LIMK1: variants seen among roughly 807,000 people sequenced by gnomAD.
LIMK1 encodes LIM domain kinase 1, also known as LIM motif-containing protein kinase.
Under a neutral mutation model 77.6 loss-of-function variants are expected in LIMK1, and 21 were observed. The observed-to-expected ratio is 0.27, with a 90% CI of 0.19 to 0.39. The LOEUF is 0.39. Ranked by LOEUF, LIMK1 falls within the 10% of genes least tolerant of loss-of-function variation. The probability of loss-of-function intolerance (pLI) is 1.00; values close to 1 mark genes in which losing one functional copy is unlikely to be tolerated. For missense variants in LIMK1, 696 were observed against 901.6 expected (o/e 0.77, Z 2.92); for synonymous variants, 358 against 370.0 (o/e 0.97, Z 0.37).
At chr7:74,116,023 G>A in intron 13 of LIMK1, 65 bp downstream of exon 13, 1 of 1,542,158 alleles carries the variant, frequency 6.5e-7, no homozygotes. Context: ...CAGGAGAGCT[G>A]TAACCTCCCA....
chr7:74,096,283 C>T (rs1799335503), intron 2 of LIMK1, among the ~76,000 whole-genome samples: 1 of 151,572 alleles, frequency 6.6e-6, no homozygotes, highest in Non-Finnish European at 1.5e-5. Context: ...GGGCGGATCA[C>T]GAGGTCAAGA....
chr7:74,120,664 G>C, intron 14 of LIMK1, 26 bp downstream of exon 14: 2 of 1,613,418 alleles, frequency 1.2e-6, no homozygotes, highest in Non-Finnish European at 1.7e-6. Flanking sequence ...GGTAGCAGCG[G>C]TGTTGAGGCC....
chr7:74,090,073 G>A (rs1584106570), intron 2 of LIMK1, among the ~76,000 whole-genome samples: 2 of 152,110 alleles, frequency 1.3e-5, no homozygotes, highest in African/African-American at 4.8e-5. Context: ...TGTCCCTGGT[G>A]TAGTGAAACT....
At chr7:74,100,243 A>G (rs1234266506) in intron 5 of LIMK1, among the ~76,000 whole-genome samples, 2 of 152,152 alleles carry the variant, frequency 1.3e-5, no homozygotes, top group East Asian at 1.9e-4. Context: ...TCTCAAAAAA[A>G]TGGGGCAGGG....
chr7:74,120,794 C>G, intron 14 of LIMK1, 98 bp from the exon 15 acceptor site: 1 of 1,560,368 alleles, frequency 6.4e-7, no homozygotes, highest in Admixed American at 1.7e-5. Context: ...CAGGCTGCAG[C>G]CAGGCCCAGT....
chr7:74,091,925 C>T (rs1295251779), intron 2 of LIMK1, among the ~76,000 whole-genome samples: 1 of 145,960 alleles, frequency 6.9e-6, no homozygotes, highest in Non-Finnish European at 1.5e-5. Flanking sequence ...GCCTTGTGGG[C>T]CCCGTGGAAG....
At chr7:74,093,078 C>T in intron 2 of LIMK1, 1 of 1,381,880 alleles carries the variant, frequency 7.2e-7, no homozygotes, top group Non-Finnish European at 9.4e-7. Context: ...AGGCTCAGAC[C>T]AAGTCCCCTG....
At chr7:74,102,968 A>T (rs1486912249) in intron 5 of LIMK1, among the ~76,000 whole-genome samples, 1 of 151,958 alleles carries the variant, frequency 6.6e-6, no homozygotes, top group African/African-American at 2.4e-5. Context: ...TTTGGGCTTA[A>T]GTGATTCTCC....
rs534233728 is a variant in LIMK1, at chr7:74,107,104, G to A, written c.976G>A (p.Val326Ile). The change falls in exon 8 of 16, where the codon GTA (valine) becomes ATA (isoleucine). Residue 326 changes from valine to isoleucine, a missense_variant. Coordinates refer to ENST00000336180, the MANE Select transcript of LIMK1 (RefSeq NM_002314.4). ...KDLGRSESLR[V>I]VCRPHRIFRP... ...CCTGGGTCGCTCTGAGTCCCTCCGCGTAGTCTGCCGGCCACACCGCATCTT... is the reference window on the plus strand; with the variant it reads ...CCTGGGTCGCTCTGAGTCCCTCCGCATAGTCTGCCGGCCACACCGCATCTT... The A allele has an allele frequency of 2.3e-5, 37 of 1,612,488 alleles. No homozygotes were observed. Among genetic ancestry groups the A allele is most frequent in the South Asian group, 1.2e-4 (11 of 90,828 alleles).
Position 74,111,994 on chromosome 7 carries a change from G to T in LIMK1, c.1406G>T (p.Arg469Leu). 1 of 1,607,424 alleles carries T rather than the reference G, an allele frequency of 6.2e-7. No individual in the cohort carries two copies. Among genetic ancestry groups the T allele is most frequent in the East Asian group, 2.2e-5 (1 of 44,804 alleles). ...CTCAACTCCCACAACTGCCTGGTCCGCGAGGTGAGTACCAGGGCCCCACGT... is the reference window on the plus strand; with the variant it reads ...CTCAACTCCCACAACTGCCTGGTCCTCGAGGTGAGTACCAGGGCCCCACGT... ...RDLNSHNCLV[R>L]ENKNVVVADF... The change falls in exon 12 of 16, where the codon CGC (arginine) becomes CTC (leucine). Residue 469 changes from arginine (R) to leucine (L), a missense_variant. Around this residue, in one of 3 missense-constraint regions of LIMK1, gnomAD observed 438 missense variants for 602.3 expected, o/e 0.73. Transcript: ENST00000336180.
At chr7:74,117,759 A>G (rs1395942649) in intron 13 of LIMK1, among the ~76,000 whole-genome samples, 4 of 152,110 alleles carry the variant, frequency 2.6e-5, no homozygotes, top group African/African-American at 7.2e-5. Flanking sequence ...GCAGTGAGCT[A>G]TGATCATACC....
At chr7:74,093,138 C>T in intron 2 of LIMK1, 1 of 1,468,254 alleles carries the variant, frequency 6.8e-7, no homozygotes, top group Non-Finnish European at 9.0e-7. Context: ...CACGCTGGCC[C>T]CACCCTCTGC....
At chr7:74,086,446 A>T (rs1247596939) in intron 2 of LIMK1, among the ~76,000 whole-genome samples, 1 of 151,906 alleles carries the variant, frequency 6.6e-6, no homozygotes, top group Non-Finnish European at 1.5e-5. Context: ...TGCAACCTCC[A>T]TCTCCCGGGC....
intron 10 of LIMK1, chr7:74,111,118 C>T (rs1799689465): frequency 1.3e-5 from 2 of 155,522 alleles, no homozygotes; most frequent in Admixed American, 6.1e-5. Context: ...CACCTGTAAT[C>T]CCAGCTACTT....
rs191097802 is a variant in LIMK1, at chr7:74,115,333, G to A, written c.1411-469G>A. 4.0e-4 allele frequency: 62 copies of A among 156,004 alleles called. No individual in the cohort carries two copies. The East Asian group carries it at 0.011, about 28-fold the overall frequency. 9.7% of individuals were successfully genotyped at this position (156,004 alleles called of 1,614,324 possible). A position where few individuals can be genotyped will look rare whatever the true frequency, so the allele number is the denominator to read the frequency against. On this transcript the variant is annotated intron_variant, in intron 12 of 15. Coordinates refer to ENST00000336180, the MANE Select transcript of LIMK1 (RefSeq NM_002314.4). ...AGCTACTCGGGAGGGTGAGGCAGGA[G>A]AATCGCTTGAACCTGGGAGGCGGAG...
intron 9 of LIMK1, 49 bp from the exon 10 acceptor site, chr7:74,108,856 C>T (rs1799638012): frequency 6.3e-7 from 1 of 1,595,938 alleles, no homozygotes; most frequent in African/African-American, 1.3e-5. Context: ...GACCCAAGCA[C>T]AGCTGGGACC....
intron 5 of LIMK1, among the ~76,000 whole-genome samples, chr7:74,100,869 G>A (rs1799445154): frequency 6.6e-6 from 1 of 151,966 alleles, no homozygotes; most frequent in African/African-American, 2.4e-5. Flanking sequence ...CCGAGTAGCT[G>A]GGACTACAGG....
At chr7:74,095,204 CCT>C (rs1344579017) in intron 2 of LIMK1, among the ~76,000 whole-genome samples, 1 of 152,142 alleles carries the variant, frequency 6.6e-6, no homozygotes, top group Non-Finnish European at 1.5e-5. Context: ...TTCCTACCTG[CCT>C]CTCTCCTAGA....
intron 2 of LIMK1, among the ~76,000 whole-genome samples, chr7:74,095,927 T>C (rs1178657646): frequency 6.6e-6 from 1 of 151,162 alleles, no homozygotes; most frequent in African/African-American, 2.4e-5. Context: ...GTGGCTTTGA[T>C]GACCCTGCAC....
Sources: gnomAD v4.1 joint callset for allele counts (sites outside exome capture counted in the v4.1 genomes callset) on GRCh38, gnomAD v4.1.1 for gene constraint, gnomAD v4.1.1 regional missense constraint, MANE v1.5 for transcripts, NCBI Gene and HGNC (gene_info 2026-07-23, HGNC 2026-07-21) for gene names.